Variants in PLXDC2 observed in about 807,000 individuals in gnomAD.
PLXDC2 encodes plexin domain containing 2.
PLXDC2 carries 40 observed loss-of-function variants against 68.9 expected under a neutral mutation model. The observed-to-expected ratio is 0.58, with a 90% confidence interval of 0.45 to 0.76. The LOEUF (loss-of-function observed/expected upper bound fraction) is 0.76, where lower values mean the gene tolerates loss of function less well. PLXDC2 is among the 30% of genes least tolerant of loss of function. The pLI, the probability that PLXDC2 is intolerant of heterozygous loss-of-function variation, is 0.00. For synonymous variants in PLXDC2, 243 were observed against 234.2 expected (o/e 1.04, Z -0.34); for missense variants, 644 against 661.9 (o/e 0.97, Z 0.30).
chr10:19,847,435 G>A (rs1837028983), intron 1 of PLXDC2, among the ~76,000 whole-genome samples: 1 of 152,172 alleles, frequency 6.6e-6, no homozygotes, highest in African/African-American at 2.4e-5. Context: ...TATCTGTGGT[G>A]GAAAAGGCTG....
chr10:20,072,544 A>AAAGAAAG (rs1554764555), intron 4 of PLXDC2, among the ~76,000 whole-genome samples: 8,057 of 116,254 alleles, frequency 0.069, 449 homozygotes, highest in African/African-American at 0.14. Flanking sequence ...AGAAAGAAAG[A>AAAGAAAG]AAGAAAGAAA....
chr10:20,091,623 A>G (rs770878477), intron 4 of PLXDC2: 4 of 152,154 alleles, frequency 2.6e-5, no homozygotes, highest in African/African-American at 7.2e-5. Flanking sequence ...AGTTTCAGAC[A>G]TTTTTAAGTA....
chr10:20,276,978 G>A (rs546219720), intron 13 of PLXDC2, among the ~76,000 whole-genome samples: 328 of 152,126 alleles, frequency 2.2e-3, no homozygotes, highest in Non-Finnish European at 3.7e-3. Flanking sequence ...TTGGGAGGCT[G>A]AGGTGGGTGG....
intron 1 of PLXDC2, among the ~76,000 whole-genome samples, chr10:19,849,771 C>T (rs1256960395): frequency 6.6e-6 from 1 of 152,058 alleles, no homozygotes; most frequent in Non-Finnish European, 1.5e-5. Context: ...TAATACAGTA[C>T]ATATTATATC....
intron 12 of PLXDC2, among the ~76,000 whole-genome samples, chr10:20,221,340 G>A (rs1230254278): frequency 6.6e-6 from 1 of 152,132 alleles, no homozygotes; most frequent in African/African-American, 2.4e-5. Flanking sequence ...TAAATCCTAC[G>A]ATTTAAGCAT....
rs144834892 is a variant in PLXDC2, at chr10:20,239,558, A to G, written c.1313-5787A>G. Among the ~76,000 whole-genome samples the G allele has an allele frequency of 8.7e-3, 1,318 of 152,276 alleles. 20 individuals carry two copies. The highest frequency in any genetic ancestry group is 0.027 in the African/African-American group (1,135 of 41,552). On this transcript the variant is annotated intron_variant, in intron 12 of 13. Coordinates refer to ENST00000377252, the MANE Select transcript of PLXDC2 (RefSeq NM_032812.9). ...CCATCAGATCTCATGGGGACTCACT[A>G]TCACAAGAACAGCATAAGAGAAACC...
At chr10:20,188,235 T>A (rs1589671704) in intron 9 of PLXDC2, among the ~76,000 whole-genome samples, 1 of 151,844 alleles carries the variant, frequency 6.6e-6, no homozygotes, top group South Asian at 2.1e-4. Context: ...TTGTATTCAT[T>A]AACAAACTTT....
intron 1 of PLXDC2, among the ~76,000 whole-genome samples, chr10:19,957,511 A>G (rs1834090939): frequency 6.6e-6 from 1 of 152,176 alleles, no homozygotes; most frequent in African/African-American, 2.4e-5. Context: ...TAACTTAATA[A>G]TACGCTGGAA....
At chr10:20,022,298 G>A (rs148555628) in intron 2 of PLXDC2, among the ~76,000 whole-genome samples, 1 of 152,122 alleles carries the variant, frequency 6.6e-6, no homozygotes, top group African/African-American at 2.4e-5. Flanking sequence ...AGTCTTCTTG[G>A]AGCTTACAGT....
intron 2 of PLXDC2, among the ~76,000 whole-genome samples, chr10:20,017,653 A>G (rs41401446): frequency 0.12 from 17,610 of 152,268 alleles, 1,170 homozygotes; most frequent in Admixed American, 0.18. Context: ...CACTTCCTCA[A>G]TTACTAGCAC....
At chr10:19,842,476 A>G (rs1836928064) in intron 1 of PLXDC2, among the ~76,000 whole-genome samples, 1 of 152,146 alleles carries the variant, frequency 6.6e-6, no homozygotes, top group Admixed American at 6.6e-5. Flanking sequence ...TGTCCTGACA[A>G]CTGCAGCTCC....
intron 12 of PLXDC2, among the ~76,000 whole-genome samples, chr10:20,224,669 T>A (rs1280283168): frequency 6.6e-6 from 1 of 152,212 alleles, no homozygotes; most frequent in Non-Finnish European, 1.5e-5. Flanking sequence ...ATTGTGCCAC[T>A]CTGCTACACT....
intron 13 of PLXDC2, among the ~76,000 whole-genome samples, chr10:20,273,760 T>A (rs1835969718): frequency 6.6e-6 from 1 of 152,184 alleles, no homozygotes; most frequent in Non-Finnish European, 1.5e-5. Flanking sequence ...CTCACGCGTG[T>A]AATCCCCACA....
chr10:20,225,979 T>C lies in PLXDC2; in HGVS notation c.1312+6877T>C, dbSNP rs1051544881. 3.9e-5 allele frequency among the ~76,000 whole-genome samples: 6 copies of C among 152,328 alleles called. No individual in the cohort carries two copies. The East Asian group carries it at 1.2e-3, about 29-fold the overall frequency. On this transcript the variant is annotated intron_variant, in intron 12 of 13. Coordinates refer to ENST00000377252, the MANE Select transcript of PLXDC2 (RefSeq NM_032812.9). Reference sequence around the variant, plus strand: ...GTGAAGCCCAAACCTTTGCATTACATTTTTTACAAGCACTTTGATAATGCA... The same window carrying C: ...GTGAAGCCCAAACCTTTGCATTACACTTTTTACAAGCACTTTGATAATGCA...
At chr10:19,831,055 T>C (rs1836681656) in intron 1 of PLXDC2, among the ~76,000 whole-genome samples, 1 of 152,068 alleles carries the variant, frequency 6.6e-6, no homozygotes, top group Non-Finnish European at 1.5e-5. Context: ...TAGTGCTTGG[T>C]ATATAGAAGG....
At chr10:19,996,787 C>T (rs545271535) in intron 1 of PLXDC2, among the ~76,000 whole-genome samples, 23 of 151,934 alleles carry the variant, frequency 1.5e-4, no homozygotes, top group African/African-American at 3.4e-4. Flanking sequence ...TGGGGGAAGG[C>T]GAGGAGGGGC....
chr10:20,206,843 C>G (rs1175136686), intron 9 of PLXDC2, among the ~76,000 whole-genome samples: 10 of 137,736 alleles, frequency 7.3e-5, no homozygotes, highest in Admixed American at 2.3e-4. Context: ...TGTCATTGTG[C>G]TTTGAAACAC....
intron 4 of PLXDC2, among the ~76,000 whole-genome samples, chr10:20,130,551 A>G (rs1833853294): frequency 6.6e-6 from 1 of 152,144 alleles, no homozygotes; most frequent in Non-Finnish European, 1.5e-5. Flanking sequence ...AAGTGGCAAG[A>G]ATGAGTATCC....
chr10:19,930,837 C>T (rs927037767), intron 1 of PLXDC2, among the ~76,000 whole-genome samples: 1 of 151,954 alleles, frequency 6.6e-6, no homozygotes, highest in African/African-American at 2.4e-5. Context: ...GTTGCAGGTG[C>T]TTGCAATCCC....
Sources: gnomAD v4.1 joint callset for allele counts (sites outside exome capture counted in the v4.1 genomes callset) on GRCh38, gnomAD v4.1.1 for gene constraint, MANE v1.5 for transcripts, NCBI Gene and HGNC (gene_info 2026-07-23, HGNC 2026-07-21) for gene names.